The following NPTN variants were observed in gnomAD, a reference collection of about 807,000 sequenced individuals.
The protein encoded by NPTN is SDR-1.
Under a neutral mutation model 42.7 loss-of-function variants are expected in NPTN, and 5 were observed. That is an observed-to-expected ratio of 0.12 (90% CI 0.06 to 0.25). The LOEUF (loss-of-function observed/expected upper bound fraction) is 0.25. NPTN is among the 10% of genes least tolerant of loss of function. NPTN has a pLI of 1.00. For missense variants in NPTN, 307 were observed against 525.4 expected (o/e 0.58, Z 4.06); for synonymous variants, 180 against 201.9 (o/e 0.89, Z 0.92).
At chr15:73,578,863 G>A (rs1181816590) in intron 4 of NPTN, among the ~76,000 whole-genome samples, 15 of 151,944 alleles carry the variant, frequency 9.9e-5, no homozygotes, top group Admixed American at 3.9e-4. Flanking sequence ...CATAATGGCA[G>A]GTGCCTGTAA....
chr15:73,562,436 G>C lies in NPTN; in HGVS notation c.1137-466C>G, dbSNP rs140486650. On this transcript the variant is annotated intron_variant, in intron 7 of 8. Transcript: ENST00000345330. ...GACGAGTACTTTCCCTTCGAATCCG[G>C]AACTATAATTACGATACAGGTGAGA... 9.1e-4 allele frequency among the ~76,000 whole-genome samples: 139 copies of C among 152,236 alleles called. 1 individual carries two copies. The Middle Eastern group carries it at 0.031, about 34-fold the overall frequency.
intron 7 of NPTN, among the ~76,000 whole-genome samples, chr15:73,562,587 CTCTT>C (rs1894742682): frequency 6.6e-6 from 1 of 152,176 alleles, no homozygotes; most frequent in South Asian, 2.1e-4. Context: ...CTGCTTCTCA[CTCTT>C]TAGTCCAACT....
chr15:73,574,015 G>C (rs138668805), intron 4 of NPTN, among the ~76,000 whole-genome samples: 70 of 152,272 alleles, frequency 4.6e-4, no homozygotes, highest in African/African-American at 1.6e-3. Context: ...AGATACCAGG[G>C]TTACTAATAT....
intron 4 of NPTN, among the ~76,000 whole-genome samples, chr15:73,584,929 G>A (rs1462954994): frequency 6.6e-6 from 1 of 152,132 alleles, no homozygotes; most frequent in Non-Finnish European, 1.5e-5. Context: ...CCAGGCCACT[G>A]TCCCTCTGTC....
intron 4 of NPTN, among the ~76,000 whole-genome samples, chr15:73,583,458 T>C (rs1399221525): frequency 2.6e-5 from 4 of 152,102 alleles, no homozygotes; most frequent in Admixed American, 6.5e-5. Context: ...ACTTATCCCA[T>C]AGAGTTGTGG....
Position 73,573,802 on chromosome 15 carries a change from G to A in NPTN, c.707-7C>T, listed in dbSNP as rs1303876520. 3 of 1,603,806 alleles carry A rather than the reference G, an allele frequency of 1.9e-6. No homozygotes were observed. Among genetic ancestry groups the A allele is most frequent in the Admixed American group, 1.7e-5 (1 of 58,378 alleles). On this transcript the variant is annotated splice_polypyrimidine_tract_variant and splice_region_variant and intron_variant, in intron 4 of 8. Transcript: ENST00000345330. ...CCAGTGATGTCAGGAGCGGCTGTGA[G>A]AAAGCGTTAGACGCAGTTACCACGG... is the stretch of plus-strand genomic sequence containing the variant.
intron 6 of NPTN, among the ~76,000 whole-genome samples, chr15:73,564,514 C>T (rs1595891235): frequency 6.6e-6 from 1 of 152,214 alleles, no homozygotes; most frequent in Non-Finnish European, 1.5e-5. Context: ...ACCAATGACT[C>T]ATCAGCCAAA....
intron 2 of NPTN, among the ~76,000 whole-genome samples, chr15:73,595,313 G>A (rs1896782939): frequency 6.6e-6 from 1 of 152,078 alleles, no homozygotes; most frequent in South Asian, 2.1e-4. Context: ...CAAGGGGGCA[G>A]GAGAAGGAGG....
chr15:73,579,640 C>T (rs1367666227), intron 4 of NPTN, among the ~76,000 whole-genome samples: 1 of 152,236 alleles, frequency 6.6e-6, no homozygotes, highest in East Asian at 1.9e-4. Context: ...TAGGAACAGT[C>T]TTCACTCCTG....
intron 4 of NPTN, among the ~76,000 whole-genome samples, chr15:73,580,423 TATATATATAATATATATA>T (rs1222768599): frequency 4.9e-5 from 5 of 101,494 alleles, no homozygotes; most frequent in East Asian, 2.6e-4. Flanking sequence ...ATATATATAA[TATATATATAATATATATA>T]ATATATATGT....
intron 6 of NPTN, chr15:73,563,621 T>C: frequency 9.7e-7 from 1 of 1,032,086 alleles, no homozygotes; most frequent in Non-Finnish European, 1.2e-6. Context: ...ATTTCAGTTG[T>C]AAAATCCTGC....
intron 1 of NPTN, among the ~76,000 whole-genome samples, chr15:73,628,869 A>G (rs1898576239): frequency 6.6e-6 from 1 of 152,170 alleles, no homozygotes; most frequent in Non-Finnish European, 1.5e-5. Flanking sequence ...TTCACATCAA[A>G]TCTGTATTAA....
At chr15:73,590,354 T>G (rs1176288795) in intron 3 of NPTN, among the ~76,000 whole-genome samples, 1 of 152,198 alleles carries the variant, frequency 6.6e-6, no homozygotes, top group Non-Finnish European at 1.5e-5. Context: ...AGCAGCATTT[T>G]ATAAAGTCAG....
At chr15:73,566,885 C>T in intron 6 of NPTN, 1 of 299,156 alleles carries the variant, frequency 3.3e-6, no homozygotes, top group Non-Finnish European at 4.9e-6. Flanking sequence ...ACAAGACAAC[C>T]TAGTGGGCAC....
intron 1 of NPTN, among the ~76,000 whole-genome samples, chr15:73,604,060 C>T (rs1440038183): frequency 6.6e-6 from 1 of 152,136 alleles, no homozygotes; most frequent in African/African-American, 2.4e-5. Context: ...TCAACAAAAA[C>T]TTTCATTCAG....
Position 73,569,327 on chromosome 15 carries a change from C to G in NPTN, c.1114+823G>C. ...TCACCAAAAATTTCCCAAGGCTTTT[C>G]TGACTCTAGGCATATCCAATAACCT... On this transcript the variant is annotated intron_variant, in intron 6 of 8. Transcript: ENST00000345330. This position sits in a 1 kb window ranked among gnomAD's most constrained non-coding sequence, Gnocchi z 4.1. The G allele has an allele frequency of 1.0e-6, 1 of 985,584 alleles. No individual in the cohort carries two copies. The highest frequency in any genetic ancestry group is 1.2e-6 in the Non-Finnish European group (1 of 830,030). The allele number at this position is 985,584 out of a possible 1,614,324, so 61.1% of individuals were successfully genotyped here.
chr15:73,601,264 T>C (rs953722174), intron 1 of NPTN, among the ~76,000 whole-genome samples: 1 of 151,930 alleles, frequency 6.6e-6, no homozygotes, highest in East Asian at 1.9e-4. Flanking sequence ...AAGGAATTCC[T>C]TGATAGCTGA....
In NPTN at chr15:73,561,913, A is replaced by G; in HGVS notation, c.1194T>C (p.Asn398=). The stretch of plus-strand genomic sequence containing the variant: ...ATACTTACATTGTAAGCAGTACTTA[A>G]TTTGTGTTTCTCTGGCGCAAGTTTT... ...KDKNLRQRNT[N] is the part of the protein sequence containing the mutation. Residue 398 remains asparagine (N), a synonymous_variant, in exon 8 of 9, where the codon AAT becomes AAC. Coordinates refer to ENST00000345330, the MANE Select transcript of NPTN (RefSeq NM_012428.4). 6.3e-7 allele frequency: 1 copy of G among 1,598,276 alleles called. No individual in the cohort carries two copies. Among genetic ancestry groups the G allele is most frequent in the Non-Finnish European group, 8.5e-7 (1 of 1,175,646 alleles).
At chr15:73,607,812 T>C (rs1350043722) in intron 1 of NPTN, among the ~76,000 whole-genome samples, 2 of 152,180 alleles carry the variant, frequency 1.3e-5, no homozygotes, top group African/African-American at 4.8e-5. Context: ...GCAGAATCAT[T>C]TGGAGGGCCT....
Sources: gnomAD v4.1 joint callset for allele counts (sites outside exome capture counted in the v4.1 genomes callset) on GRCh38, gnomAD v4.1.1 for gene constraint, Gnocchi (gnomAD v3.1) non-coding constraint, MANE v1.5 for transcripts, NCBI Gene and HGNC (gene_info 2026-07-23, HGNC 2026-07-21) for gene names.